MAP1LC3B2: variants seen among roughly 807,000 people sequenced by gnomAD.
MAP1LC3B2 encodes microtubule associated protein 1 light chain 3 beta 2, also known as microtubule-associated protein 1 light chain 3 beta 2.
For synonymous variants in MAP1LC3B2, 62 were observed against 57.8 expected (o/e 1.07, Z -0.33); for missense variants, 155 against 154.6 (o/e 1.00, Z -0.01).
At position 116,576,280 on chromosome 12, in the gene MAP1LC3B2, G is replaced by A. The variant is rs111327250; in HGVS notation, c.338G>A (p.Cys113Tyr). The change falls in exon 2 of 2, where the codon TGT becomes TAT. Residue 113 changes from cysteine (C) to tyrosine (Y), a missense_variant. By Grantham distance (194) the Cys-to-Tyr change is radical. Coordinates refer to ENST00000556529, the MANE Select transcript of MAP1LC3B2 (RefSeq NM_001085481.3). ...GAAGATGGATTCCTGTACATGGTCT[G>A]TGCCTCCCAGGAGACGTTCGGGATG... is the stretch of plus-strand genomic sequence containing the variant. ...KDEDGFLYMV[C>Y]ASQETFGMKL... 7,447 of 1,613,958 alleles carry A rather than the reference G, an allele frequency of 4.6e-3. 300 individuals carry two copies. In the African/African-American group the frequency reaches 0.087, roughly 19 times the overall value.
At chr12:116,571,567 G>A (rs958292683) in intron 1 of MAP1LC3B2, among the ~76,000 whole-genome samples, 1 of 135,948 alleles carries the variant, frequency 7.4e-6, no homozygotes, top group Admixed American at 8.4e-5. Context: ...TGCAAGCTCC[G>A]CCTCCCGGGT....
intron 1 of MAP1LC3B2, among the ~76,000 whole-genome samples, chr12:116,568,181 G>T (rs900713137): frequency 6.6e-6 from 1 of 152,120 alleles, no homozygotes; most frequent in Non-Finnish European, 1.5e-5. Flanking sequence ...CAATAGATGC[G>T]ACCCTTTGTG....
chr12:116,575,056 T>G (rs1869635392), intron 1 of MAP1LC3B2, among the ~76,000 whole-genome samples: 1 of 151,850 alleles, frequency 6.6e-6, no homozygotes, highest in Admixed American at 6.6e-5. Context: ...GGTGCATGCC[T>G]GTAATCCTAG....
At chr12:116,568,354 T>C (rs1189995116) in intron 1 of MAP1LC3B2, among the ~76,000 whole-genome samples, 1 of 152,262 alleles carries the variant, frequency 6.6e-6, no homozygotes, top group Non-Finnish European at 1.5e-5. Context: ...CTTTTCCCAC[T>C]CTTCTTCCTG....
chr12:116,572,370 T>C (rs1377536304), intron 1 of MAP1LC3B2, among the ~76,000 whole-genome samples: 1 of 9,960 alleles, frequency 1.0e-4, no homozygotes, highest in Non-Finnish European at 2.0e-4. Context: ...GCCTCAGTTC[T>C]TTTTTTTTTT....
intron 1 of MAP1LC3B2, among the ~76,000 whole-genome samples, chr12:116,566,616 T>TAAAAAAAAA (rs58530141): frequency 2.2e-5 from 2 of 91,640 alleles, no homozygotes; most frequent in Non-Finnish European, 4.1e-5. Context: ...AGTCAGTGAT[T>TAAAAAAAAA]AAAAAAAAAA....
intron 1 of MAP1LC3B2, 122 bp from the exon 2 acceptor site, chr12:116,575,720 G>A: frequency 1.6e-6 from 1 of 608,176 alleles, no homozygotes; most frequent in Non-Finnish European, 2.9e-6. Flanking sequence ...ATGTACTATA[G>A]AACAGGTGTC....
At chr12:116,571,253 T>A (rs1307836405) in intron 1 of MAP1LC3B2, among the ~76,000 whole-genome samples, 1 of 152,128 alleles carries the variant, frequency 6.6e-6, no homozygotes, top group Non-Finnish European at 1.5e-5. Flanking sequence ...CACGTCTTCC[T>A]CTTGGAAGTG....
rs564197882 is a variant in MAP1LC3B2 at position 116,563,222 on chromosome 12, G to T, written c.-102+3789G>T. 2.8e-3 allele frequency among the ~76,000 whole-genome samples: 428 copies of T among 152,200 alleles called. 3 individuals carry two copies. Among genetic ancestry groups the T allele is most frequent in the Non-Finnish European group, 5.3e-3 (359 of 68,006 alleles). On this transcript the variant is annotated intron_variant, in intron 1 of 1. Transcript: ENST00000556529. ...GATCTGCCCACCTCGGCCTCCCAAA[G>T]TGCTGGGATTACAGGCATGAGCCAC... is the stretch of plus-strand genomic sequence containing the variant.
intron 1 of MAP1LC3B2, among the ~76,000 whole-genome samples, chr12:116,570,221 T>C (rs1444058753): frequency 2.6e-5 from 4 of 152,232 alleles, no homozygotes; most frequent in South Asian, 2.1e-4. Flanking sequence ...GCTCAACTTA[T>C]AATTTTTCAA....
intron 1 of MAP1LC3B2, among the ~76,000 whole-genome samples, chr12:116,563,824 G>C (rs1427277062): frequency 6.6e-6 from 1 of 151,952 alleles, no homozygotes; most frequent in Non-Finnish European, 1.5e-5. Context: ...TCTTTAATGT[G>C]AATAACTTCT....
intron 1 of MAP1LC3B2, among the ~76,000 whole-genome samples, chr12:116,568,922 G>A (rs1258634402): frequency 5.4e-5 from 8 of 148,974 alleles, no homozygotes; most frequent in African/African-American, 7.4e-5. Context: ...GTGCAGTGGC[G>A]CATCTCCACT....
chr12:116,566,270 G>A (rs919304681), intron 1 of MAP1LC3B2, among the ~76,000 whole-genome samples: 1 of 152,204 alleles, frequency 6.6e-6, no homozygotes, highest in Non-Finnish European at 1.5e-5. Context: ...ACTACCAGGA[G>A]TTGGAAGCAC....
intron 1 of MAP1LC3B2, among the ~76,000 whole-genome samples, chr12:116,574,024 C>T (rs185727732): frequency 6.6e-6 from 1 of 152,238 alleles, no homozygotes; most frequent in African/African-American, 2.4e-5. Flanking sequence ...ATATGTGTAA[C>T]ATCCAGAGCT....
intron 1 of MAP1LC3B2, among the ~76,000 whole-genome samples, chr12:116,572,192 G>C (rs1485082253): frequency 6.6e-6 from 1 of 152,168 alleles, no homozygotes; most frequent in African/African-American, 2.4e-5. Context: ...TGTACCTTCA[G>C]CAGATAGATT....
At chr12:116,563,280 A>G (rs1355721017) in intron 1 of MAP1LC3B2, among the ~76,000 whole-genome samples, 2 of 152,104 alleles carry the variant, frequency 1.3e-5, no homozygotes, top group Non-Finnish European at 2.9e-5. Context: ...TTAATATTTC[A>G]TATGGTGTAG....
chr12:116,569,163 A>T (rs1022357786), intron 1 of MAP1LC3B2, among the ~76,000 whole-genome samples: 1 of 151,944 alleles, frequency 6.6e-6, no homozygotes, highest in Admixed American at 6.6e-5. Flanking sequence ...CGCCCGGCCA[A>T]TTTCTTTTCT....
chr12:116,562,827 C>T (rs371782114), intron 1 of MAP1LC3B2, among the ~76,000 whole-genome samples: 14 of 152,146 alleles, frequency 9.2e-5, no homozygotes, highest in African/African-American at 3.4e-4. Context: ...CTTGGCAAAA[C>T]TTGAAAAAAT....
intron 1 of MAP1LC3B2, among the ~76,000 whole-genome samples, 190 bp from the exon 2 acceptor site, chr12:116,575,652 A>G (rs1181146519): frequency 6.6e-6 from 1 of 152,214 alleles, no homozygotes; most frequent in Non-Finnish European, 1.5e-5. Flanking sequence ...TTTCCCTTGA[A>G]AAACAGTCTT....
Sources: allele counts gnomAD v4.1 joint callset (sites outside exome capture counted in the v4.1 genomes callset), GRCh38; gene constraint gnomAD v4.1.1; transcripts MANE v1.5; gene names NCBI Gene and HGNC (gene_info 2026-07-23, HGNC 2026-07-21).